UNC93A: variants seen among roughly 807,000 people sequenced by gnomAD.
The protein encoded by UNC93A is unc-93 homolog A.
In UNC93A, 43 loss-of-function variants were observed where a neutral mutation model predicts 47.5. The observed-to-expected ratio is 0.91, with a 90% CI of 0.71 to 1.17. The LOEUF is 1.17. UNC93A is among the 50% of genes most tolerant of loss of function. The pLI is 0.00. For synonymous variants in UNC93A, 280 were observed against 258.0 expected, an observed-to-expected ratio of 1.09 and a Z score of -0.82; for missense variants, 605 against 577.6, an observed-to-expected ratio of 1.05 and a Z score of -0.49.
At chr6:167,299,732 A>G (rs1197693552) in intron 4 of UNC93A, among the ~76,000 whole-genome samples, 7 of 152,214 alleles carry the variant, frequency 4.6e-5, no homozygotes, top group Admixed American at 4.6e-4. Flanking sequence ...ACAATGAGCA[A>G]GATTTGGCCA....
At chr6:167,310,131 C>G (rs1450338983) in intron 7 of UNC93A, among the ~76,000 whole-genome samples, 2 of 152,252 alleles carry the variant, frequency 1.3e-5, no homozygotes, top group African/African-American at 4.8e-5. Flanking sequence ...TTTAAACTGT[C>G]CCCTGGATGT....
At chr6:167,304,565 T>C (rs1364494484) in intron 5 of UNC93A, among the ~76,000 whole-genome samples, 1 of 151,386 alleles carries the variant, frequency 6.6e-6, no homozygotes, top group Non-Finnish European at 1.5e-5. Flanking sequence ...AGTTTTTTTT[T>C]TTCTTTCTTT....
In UNC93A at chr6:167,299,202, G is replaced by GTA. The variant is rs3046657; in HGVS notation, c.625+1150_625+1151dup. On this transcript the variant is annotated intron_variant, in intron 4 of 7. Transcript: ENST00000230256. ...CATATACACGTATATATTTCTATAT[G>GTA]TATATATATATATATATATTCTTTG... Among the ~76,000 whole-genome samples, 1,089 of 147,388 alleles carry GTA rather than the reference G, an allele frequency of 7.4e-3. 10 individuals are homozygous for GTA. The highest frequency in any genetic ancestry group is 0.011 in the Non-Finnish European group (716 of 66,820).
rs1562350354 is a variant in UNC93A at position 167,295,619 on chromosome 6, CCCTCGTGCTCCTCGCCTG to C, written c.270-395_270-378del. Among the ~76,000 whole-genome samples the C allele has an allele frequency of 8.5e-4, 52 of 61,172 alleles. 1 individual carries two copies. The highest frequency in any genetic ancestry group is 4.0e-3 in the African/African-American group (44 of 11,086). 40.1% of individuals were successfully genotyped at this position (61,172 alleles called of 152,430 possible). Reference sequence around the variant, plus strand: ...CTCGCCTCCCTCGTGCTCCTCGCCTCCCTCGTGCTCCTCGCCTGCCTCGTGCTCCTCGCCTCCCTCGTG... The same window carrying C: ...CTCGCCTCCCTCGTGCTCCTCGCCTCCCTCGTGCTCCTCGCCTCCCTCGTG... On this transcript the variant is annotated intron_variant, in intron 2 of 7. Coordinates refer to ENST00000230256, the MANE Select transcript of UNC93A (RefSeq NM_018974.4).
intron 1 of UNC93A, among the ~76,000 whole-genome samples, chr6:167,274,938 AC>A (rs1783514239): frequency 6.6e-6 from 1 of 152,204 alleles, no homozygotes; most frequent in South Asian, 2.1e-4. Flanking sequence ...TACGTCTCAG[AC>A]AGGGAGAAAA....
chr6:167,281,300 C>T (rs1040768396), intron 1 of UNC93A, among the ~76,000 whole-genome samples: 1 of 152,124 alleles, frequency 6.6e-6, no homozygotes. Context: ...CAAGGGGAGA[C>T]TCAGGCCAAT....
At chr6:167,273,645 A>G (rs13211516) in intron 1 of UNC93A, among the ~76,000 whole-genome samples, 107,685 of 151,096 alleles carry the variant, frequency 0.71, 38,872 homozygotes, top group African/African-American at 0.84. Context: ...GGCCCAGGTG[A>G]TCAGGGCACA....
chr6:167,273,004 G>A (rs2115067009), intron 1 of UNC93A, among the ~76,000 whole-genome samples: 1 of 139,216 alleles, frequency 7.2e-6, no homozygotes. Flanking sequence ...CATTCAGATG[G>A]TTGGGGGGCC....
upstream of UNC93A, among the ~76,000 whole-genome samples, chr6:167,270,125 C>T (rs1048437909): frequency 2.6e-5 from 4 of 151,982 alleles, no homozygotes; most frequent in East Asian, 5.8e-4. Flanking sequence ...CTGGCACACT[C>T]TGGAGGACCC....
At chr6:167,303,759 A>C (rs751072220) in intron 4 of UNC93A, among the ~76,000 whole-genome samples, 160 bp from the exon 5 acceptor site, 2 of 152,068 alleles carry the variant, frequency 1.3e-5, no homozygotes, top group Admixed American at 1.3e-4. Context: ...GCAACTAGAC[A>C]CCTGAGATCC....
intron 1 of UNC93A, among the ~76,000 whole-genome samples, chr6:167,282,212 A>G (rs578089008): frequency 6.6e-6 from 1 of 152,026 alleles, no homozygotes; most frequent in African/African-American, 2.4e-5. Flanking sequence ...ACCAGGAAAC[A>G]TTTTCAATGT....
upstream of UNC93A, chr6:167,291,185 C>A (rs111853538): frequency 4.4e-6 from 1 of 229,054 alleles, no homozygotes; most frequent in Non-Finnish European, 8.4e-6. Context: ...AGGAAAAAAG[C>A]GCAATTAACT....
rs536332358 is a variant in UNC93A, at chr6:167,315,369, G to T, written c.1291G>T (p.Val431Leu). ...TMVAYGLVEC[V>L]ESKNPIRPHA... ...GGTGGCGTATGGGCTTGTGGAGTGCGTGGAGTCCAAGAACCCGATCAGACC... is the reference window on the plus strand; with the variant it reads ...GGTGGCGTATGGGCTTGTGGAGTGCTTGGAGTCCAAGAACCCGATCAGACC... Residue 431 changes from valine (V) to leucine (L), a missense_variant, in exon 8 of 8, where the codon GTG (valine) becomes TTG (leucine). By Grantham distance (32) the Val-to-Leu change is conservative (BLOSUM62 1). Coordinates refer to ENST00000230256, the MANE Select transcript of UNC93A (RefSeq NM_018974.4). The T allele has an allele frequency of 6.2e-7, 1 of 1,613,952 alleles. No homozygotes were observed. Among genetic ancestry groups the T allele is most frequent in the East Asian group, 2.2e-5 (1 of 44,874 alleles).
At chr6:167,292,218 G>T (rs1783856972) in intron 1 of UNC93A, among the ~76,000 whole-genome samples, 1 of 152,098 alleles carries the variant, frequency 6.6e-6, no homozygotes, top group Non-Finnish European at 1.5e-5. Context: ...GAATTCCAGG[G>T]AATTCCAAGG....
At chr6:167,297,802 C>A in intron 3 of UNC93A, 143 bp from the exon 4 acceptor site, 1 of 1,015,582 alleles carries the variant, frequency 9.8e-7, no homozygotes, top group Non-Finnish European at 1.4e-6. Context: ...TATTTTGAGA[C>A]ACTGGGTCTT....
intron 7 of UNC93A, among the ~76,000 whole-genome samples, chr6:167,312,605 C>A (rs1201280867): frequency 6.6e-6 from 1 of 152,248 alleles, no homozygotes; most frequent in Non-Finnish European, 1.5e-5. Context: ...CTAGCCCCCA[C>A]TGCGTAGCTG....
At chr6:167,286,823 A>T (rs1175291837), upstream of UNC93A, among the ~76,000 whole-genome samples, 1 of 151,828 alleles carries the variant, frequency 6.6e-6, no homozygotes, top group African/African-American at 2.4e-5. Context: ...ACTGAAATAC[A>T]AAAAATTAGC....
intron 1 of UNC93A, among the ~76,000 whole-genome samples, chr6:167,294,112 C>T (rs1777978104): frequency 6.6e-6 from 1 of 152,190 alleles, no homozygotes; most frequent in African/African-American, 2.4e-5. Context: ...TCCCCATGGG[C>T]TGAAGGACCC....
chr6:167,272,543 G>A lies in UNC93A; in HGVS notation c.-52+1085G>A, dbSNP rs77440152. The stretch of plus-strand genomic sequence containing the variant: ...GAGAACATGTGCCCAAGGTGGTGGG[G>A]AGCAGCTTGGATTTATACATCTTAG... On this transcript the variant is annotated intron_variant, in intron 1 of 3. Coordinates refer to the UNC93A transcript ENST00000503433. Among the ~76,000 whole-genome samples the A allele has an allele frequency of 5.9e-5, 9 of 152,350 alleles. No individual in the cohort carries two copies. The East Asian group carries it at 1.7e-3, about 29-fold the overall frequency.
Sources: gnomAD v4.1 joint callset for allele counts (sites outside exome capture counted in the v4.1 genomes callset) on GRCh38, gnomAD v4.1.1 for gene constraint, MANE v1.5 for transcripts, NCBI Gene and HGNC (gene_info 2026-07-23, HGNC 2026-07-21) for gene names.